SEC23IP: variants seen among roughly 807,000 people sequenced by gnomAD.
SEC23IP encodes SEC23-interacting protein.
In SEC23IP, 70 loss-of-function variants were observed where a neutral mutation model predicts 113.4. The observed-to-expected ratio is 0.62, with a 90% CI of 0.51 to 0.75. The LOEUF is 0.75. Among genes scored for constraint, SEC23IP ranks in the 30% least tolerant of loss-of-function variants. The pLI, the probability that SEC23IP is intolerant of heterozygous loss-of-function variation, is 0.00. For missense variants in SEC23IP, 1,160 were observed against 1,204.9 expected (o/e 0.96, Z 0.55); for synonymous variants, 398 against 421.0 (o/e 0.95, Z 0.67).
Position 119,909,127 on chromosome 10 carries a change from A to T in SEC23IP, c.1188A>T (p.Pro396=). 6.2e-7 allele frequency: 1 copy of T among 1,601,314 alleles called. No individual in the cohort carries two copies. Among genetic ancestry groups the T allele is most frequent in the Non-Finnish European group, 8.5e-7 (1 of 1,171,624 alleles). ...GAGAGACAATTGTTATGCACAATCC[A>T]AAGGTAATGATGGTGTTCAAAATTT... is the stretch of plus-strand genomic sequence containing the variant. ...PSGETIVMHN[P]KVIVQFQPSS... The change falls in exon 5 of 19, where the codon CCA becomes CCT. Residue 396 remains proline (P), a synonymous_variant. Transcript: ENST00000369075.
At chr10:119,912,651 T>C (rs545909166) in intron 6 of SEC23IP, among the ~76,000 whole-genome samples, 1 of 150,872 alleles carries the variant, frequency 6.6e-6, no homozygotes, top group South Asian at 2.1e-4. Context: ...TCTTTTTTTT[T>C]TTTTTTTCAG....
chr10:119,899,110 A>T, intron 2 of SEC23IP, 151 bp downstream of exon 2: 1 of 712,124 alleles, frequency 1.4e-6, no homozygotes, highest in Admixed American at 3.2e-5. Context: ...TGAAGTAAAC[A>T]TTGTCTTAAA....
At position 119,907,599 on chromosome 10, in the gene SEC23IP, G is replaced by A. The variant is rs1854718589; in HGVS notation, c.1102-1442G>A. Among the ~76,000 whole-genome samples, 4 of 152,074 alleles carry A rather than the reference G, an allele frequency of 2.6e-5. No individual in the cohort carries two copies. In the South Asian group the frequency reaches 8.3e-4, roughly 32 times the overall value. On this transcript the variant is annotated intron_variant, in intron 4 of 18. Transcript: ENST00000369075. ...TACGATCGGCCCTCCGTATCCACAGGTTCCGTATCTGCAGATTCAACCAAA... is the reference window on the plus strand; with the variant it reads ...TACGATCGGCCCTCCGTATCCACAGATTCCGTATCTGCAGATTCAACCAAA...
chr10:119,893,514 C>CTTT (rs60552712), intron 1 of SEC23IP, among the ~76,000 whole-genome samples: 35 of 85,366 alleles, frequency 4.1e-4, no homozygotes, highest in African/African-American at 5.6e-4. Context: ...CATTCCTTAT[C>CTTT]TTTTTTTTTT....
Position 119,941,698 on chromosome 10 carries a change from A to G in SEC23IP, c.*1133A>G, listed in dbSNP as rs1010018314. 1 of 152,702 alleles carries G rather than the reference A, an allele frequency of 6.5e-6. No homozygotes were observed. The highest frequency in any genetic ancestry group is 1.5e-5 in the Non-Finnish European group (1 of 68,052). 9.5% of individuals were successfully genotyped at this position (152,702 alleles called of 1,614,324 possible). On this transcript the variant is annotated 3_prime_UTR_variant, in exon 19 of 19. Transcript: ENST00000369075. ...TTGTGTATGTATTCTAATTAGTGTG[A>G]ATAAAGCAGTAACATTAATGCATTT... is the stretch of plus-strand genomic sequence containing the variant.
intron 15 of SEC23IP, among the ~76,000 whole-genome samples, chr10:119,930,687 T>G (rs1855568254): frequency 6.6e-6 from 1 of 152,164 alleles, no homozygotes; most frequent in Non-Finnish European, 1.5e-5. Context: ...GATGCATAAT[T>G]AGATTTTGAT....
intron 15 of SEC23IP, 115 bp downstream of exon 15, chr10:119,930,546 C>T: frequency 1.8e-6 from 1 of 559,638 alleles, no homozygotes; most frequent in Non-Finnish European, 3.2e-6. Context: ...TAAGTGCCTA[C>T]TATGTTCAGA....
At position 119,919,470 on chromosome 10, in the gene SEC23IP, G is replaced by T; in HGVS notation, c.1899G>T (p.Leu633Phe). The change falls in exon 11 of 19, where the codon TTG becomes TTT. Residue 633 changes from leucine to phenylalanine, a missense_variant. Physicochemically the swap from Leu to Phe is conservative, Grantham distance 22. Transcript: ENST00000369075. Reference protein sequence around the residue: ...KQMPEEPKLTLDESYDLVVEN... With the variant: ...KQMPEEPKLTFDESYDLVVEN... ...TGCCTGAAGAGCCAAAGCTGACTTT[G>T]GATGAGTCGTATGACCTTGTTGTTG... The T allele has an allele frequency of 6.2e-7, 1 of 1,604,856 alleles. No homozygotes were observed. Among genetic ancestry groups the T allele is most frequent in the East Asian group, 2.2e-5 (1 of 44,830 alleles).
chr10:119,917,719 CAT>C, intron 8 of SEC23IP, 115 bp from the exon 9 acceptor site: 1 of 703,618 alleles, frequency 1.4e-6, no homozygotes, highest in Non-Finnish European at 2.3e-6. Context: ...AGAAACAACT[CAT>C]AGTCTGTGGG....
intron 2 of SEC23IP, among the ~76,000 whole-genome samples, chr10:119,900,497 G>T (rs1854445746): frequency 6.6e-6 from 1 of 151,844 alleles, no homozygotes; most frequent in Admixed American, 6.6e-5. Flanking sequence ...ATGTTTTGTA[G>T]AAATGAGGTC....
At chr10:119,937,316 G>T (rs1855825428) in intron 18 of SEC23IP, among the ~76,000 whole-genome samples, 1 of 151,818 alleles carries the variant, frequency 6.6e-6, no homozygotes, top group Admixed American at 6.6e-5. Context: ...AGTTTGAGGG[G>T]AGCATGTTTT....
rs779605044 is a variant in SEC23IP, at chr10:119,930,334, T to A, written c.2475T>A (p.Asp825Glu). Residue 825 changes from aspartate to glutamate, a missense_variant, in exon 15 of 19, where the codon GAT becomes GAA. Transcript: ENST00000369075. Reference sequence around the variant, plus strand: ...ATAAATTCTTCTATTTATAGCTTGATCCAGTGGCATATAGATTAGAACCTA... The same window carrying A: ...ATAAATTCTTCTATTTATAGCTTGAACCAGTGGCATATAGATTAGAACCTA... ...KGFFNIYHPL[D>E]PVAYRLEPMI... 6.3e-7 allele frequency: 1 copy of A among 1,575,154 alleles called. No individual in the cohort carries two copies. The highest frequency in any genetic ancestry group is 1.2e-5 in the South Asian group (1 of 85,614).
At chr10:119,927,828 T>A (rs1050548664) in intron 13 of SEC23IP, among the ~76,000 whole-genome samples, 1 of 150,546 alleles carries the variant, frequency 6.6e-6, no homozygotes, top group Admixed American at 6.6e-5. Context: ...GCCAGTTTTC[T>A]GTGCACATTT....
At chr10:119,923,039 T>A (rs1855301616) in intron 12 of SEC23IP, among the ~76,000 whole-genome samples, 1 of 151,694 alleles carries the variant, frequency 6.6e-6, no homozygotes, top group Admixed American at 6.6e-5. Context: ...ATGAGAAGCT[T>A]TGTGTTCAGG....
rs753715165 is a variant in SEC23IP at position 119,926,261 on chromosome 10, C to T, written c.2313+34C>T. 35 of 1,543,110 alleles carry T rather than the reference C, an allele frequency of 2.3e-5. No homozygotes were observed. The South Asian group carries it at 4.1e-4, about 18-fold the overall frequency. On this transcript the variant is annotated intron_variant, in intron 13 of 18. Transcript: ENST00000369075. Reference sequence around the variant, plus strand: ...ACATATTGACTGGGGCTACATAGTTCATGTTGGAATCATAATCTTTATCAT... The same window carrying T: ...ACATATTGACTGGGGCTACATAGTTTATGTTGGAATCATAATCTTTATCAT...
At position 119,915,811 on chromosome 10, in the gene SEC23IP, A is replaced by G. The variant is rs903553203; in HGVS notation, c.1466A>G (p.Asp489Gly). ...LRTHFKKSLD[D>G]GKVSRVEFLP... is the part of the protein sequence containing the mutation. ...ACACATTTCAAGAAATCTTTAGATG[A>G]CGGGAAAGTAAGCAGAGTGGAGTTC... Residue 489 changes from aspartate (D) to glycine (G), a missense_variant, in exon 8 of 19, where the codon GAC (aspartate) becomes GGC (glycine). Coordinates refer to ENST00000369075, the MANE Select transcript of SEC23IP (RefSeq NM_007190.4). 3.1e-6 allele frequency: 5 copies of G among 1,604,678 alleles called. No individual in the cohort carries two copies. The highest frequency in any genetic ancestry group is 4.3e-6 in the Non-Finnish European group (5 of 1,174,956).
In SEC23IP at chr10:119,933,141, C is replaced by T. The variant is rs146444843; in HGVS notation, c.2895C>T (p.Phe965=). The T allele has an allele frequency of 2.2e-5, 35 of 1,613,778 alleles. No individual in the cohort carries two copies. Among genetic ancestry groups the T allele is most frequent in the Middle Eastern group, 1.6e-4 (1 of 6,084 alleles). The change falls in exon 17 of 19, where the codon TTC becomes TTT. Residue 965 remains phenylalanine, a synonymous_variant. Coordinates refer to ENST00000369075, the MANE Select transcript of SEC23IP (RefSeq NM_007190.4). The part of the protein sequence containing the change: ...KPIESFNEYL[F]ALQSHLCYWE... ...TAGAGAGTTTTAATGAATACCTTTT[C>T]GCTCTTCAGAGTCACTTATGCTATT...
chr10:119,896,357 T>A (rs534172178), intron 1 of SEC23IP, among the ~76,000 whole-genome samples: 33 of 152,334 alleles, frequency 2.2e-4, no homozygotes, highest in African/African-American at 7.9e-4. Context: ...AGTCTCAGAC[T>A]TGAGGTTTCT....
chr10:119,939,134 C>T (rs372307878), intron 18 of SEC23IP, among the ~76,000 whole-genome samples: 1 of 151,336 alleles, frequency 6.6e-6, no homozygotes, highest in Non-Finnish European at 1.5e-5. Flanking sequence ...ATAGACAAGA[C>T]ATTACTTGTC....
Sources: allele counts gnomAD v4.1 joint callset (sites outside exome capture counted in the v4.1 genomes callset), GRCh38; gene constraint gnomAD v4.1.1; transcripts MANE v1.5; gene names NCBI Gene and HGNC (gene_info 2026-07-23, HGNC 2026-07-21).